The following ASIC2 variants were observed in gnomAD, a reference collection of about 807,000 sequenced individuals.
ASIC2 encodes acid-sensing ion channel 2.
ASIC2 carries 25 observed loss-of-function variants against 57.3 expected under a neutral mutation model. The ratio of observed to expected loss-of-function variants is 0.44; its 90% CI spans 0.32 to 0.61. ASIC2 has a LOEUF of 0.61. ASIC2 is among the 20% of genes least tolerant of loss of function. The pLI is 0.06. For missense variants in ASIC2, 641 were observed against 738.1 expected (o/e 0.87, Z 1.52); for synonymous variants, 319 against 307.5 (o/e 1.04, Z -0.39).
At chr17:33,798,741 C>T (rs1277772026) in intron 1 of ASIC2, among the ~76,000 whole-genome samples, 1 of 152,126 alleles carries the variant, frequency 6.6e-6, no homozygotes, top group Non-Finnish European at 1.5e-5. Context: ...GAGCTCATTC[C>T]CCAGCTCAAT....
At chr17:33,578,453 A>T (rs1217104908) in intron 1 of ASIC2, among the ~76,000 whole-genome samples, 2 of 152,222 alleles carry the variant, frequency 1.3e-5, no homozygotes, top group Non-Finnish European at 2.9e-5. Flanking sequence ...TTTACACCTT[A>T]GTATGAATAA....
chr17:33,597,374 G>A (rs1279591706), intron 1 of ASIC2, among the ~76,000 whole-genome samples: 6 of 152,190 alleles, frequency 3.9e-5, no homozygotes, highest in African/African-American at 1.4e-4. Flanking sequence ...TCAAAGGCAT[G>A]TTAGCACATA....
chr17:33,481,459 G>A (rs1183486605), intron 1 of ASIC2, among the ~76,000 whole-genome samples: 1 of 152,146 alleles, frequency 6.6e-6, no homozygotes, highest in Non-Finnish European at 1.5e-5. Flanking sequence ...TTGTTGACCT[G>A]TGCTCTGCAT....
At chr17:33,746,797 T>C (rs1408940983) in intron 1 of ASIC2, among the ~76,000 whole-genome samples, 1 of 152,160 alleles carries the variant, frequency 6.6e-6, no homozygotes, top group African/African-American at 2.4e-5. Context: ...TCATGGAACA[T>C]TCTCCATGAC....
At chr17:33,073,379 C>A (rs116413348) in intron 3 of ASIC2, among the ~76,000 whole-genome samples, 3 of 152,126 alleles carry the variant, frequency 2.0e-5, no homozygotes, top group African/African-American at 7.2e-5. Context: ...TGCTGGCCTG[C>A]GAGCTCAGAA....
At chr17:33,465,604 C>T (rs1912838717) in intron 1 of ASIC2, among the ~76,000 whole-genome samples, 2 of 152,066 alleles carry the variant, frequency 1.3e-5, no homozygotes, top group African/African-American at 2.4e-5. Flanking sequence ...GAACTCCTGA[C>T]CTCGGGTGAT....
At chr17:33,386,032 G>C (rs147159865) in intron 1 of ASIC2, among the ~76,000 whole-genome samples, 1 of 152,280 alleles carries the variant, frequency 6.6e-6, no homozygotes, top group Admixed American at 6.5e-5. Context: ...CACATAACGT[G>C]ATATTTACTT....
rs944094933 is a variant in ASIC2, at chr17:33,975,117, G to T, written c.555+180861C>A. On this transcript the variant is annotated intron_variant, in intron 1 of 9. Transcript: ENST00000359872. ...GGCACTCACTAAATATTTGTTGAAT[G>T]AATGAATGTATGAAATCATGCTTGA... Among the ~76,000 whole-genome samples the T allele has an allele frequency of 2.6e-5, 4 of 152,194 alleles. No homozygotes were observed. In the East Asian group the frequency reaches 5.8e-4, roughly 22 times the overall value.
At chr17:33,820,326 G>A (rs986669242) in intron 1 of ASIC2, among the ~76,000 whole-genome samples, 12 of 152,080 alleles carry the variant, frequency 7.9e-5, no homozygotes, top group South Asian at 2.1e-4. Context: ...AGTATAATAC[G>A]CATGGCAGAT....
At position 34,089,944 on chromosome 17, in the gene ASIC2, T is replaced by C. The variant is rs925857875; in HGVS notation, c.555+66034A>G. On this transcript the variant is annotated intron_variant, in intron 1 of 9. Coordinates refer to the ASIC2 transcript ENST00000359872. ...CTCAGTCAGCTCATTCCCAGCTGTC[T>C]TGGTTCCTGCAGGACAATGTTCTGA... Among the ~76,000 whole-genome samples the C allele has an allele frequency of 1.9e-4, 29 of 152,190 alleles. 1 individual carries two copies. The highest frequency in any genetic ancestry group is 1.9e-3 in the Admixed American group (29 of 15,276).
At chr17:33,401,878 G>T (rs1455547504) in intron 1 of ASIC2, among the ~76,000 whole-genome samples, 2 of 152,286 alleles carry the variant, frequency 1.3e-5, no homozygotes, top group South Asian at 2.1e-4. Flanking sequence ...AGGAAATTAA[G>T]TTATGCGAGG....
At position 33,971,127 on chromosome 17, in the gene ASIC2, C is replaced by A. The variant is rs73276666; in HGVS notation, c.555+184851G>T. On this transcript the variant is annotated intron_variant, in intron 1 of 9. Coordinates refer to the ASIC2 transcript ENST00000359872. ...CAAAGGGCACACAGTGGCACGCAGT[C>A]CTCCAGCAGAAATGATTCACAGCCA... Among the ~76,000 whole-genome samples the A allele has an allele frequency of 6.4e-3, 971 of 152,316 alleles. 9 individuals carry two copies. The highest frequency in any genetic ancestry group is 0.022 in the African/African-American group (928 of 41,582).
chr17:33,478,942 A>G (rs3892103), intron 1 of ASIC2, among the ~76,000 whole-genome samples: 29,186 of 152,204 alleles, frequency 0.19, 3,030 homozygotes, highest in Middle Eastern at 0.24. Flanking sequence ...TGTCAAGATA[A>G]TACTGTTAGG....
intron 1 of ASIC2, among the ~76,000 whole-genome samples, chr17:34,027,682 A>G (rs779710323): frequency 6.6e-6 from 1 of 152,224 alleles, no homozygotes; most frequent in Non-Finnish European, 1.5e-5. Flanking sequence ...ATCTAGAGAT[A>G]GAAGTCATGA....
At chr17:33,555,169 C>T (rs1915868884) in intron 1 of ASIC2, among the ~76,000 whole-genome samples, 2 of 152,122 alleles carry the variant, frequency 1.3e-5, no homozygotes, top group East Asian at 1.9e-4. Flanking sequence ...CAGAATGGTC[C>T]GTGGCTACCT....
chr17:33,174,552 C>T (rs533754635), intron 1 of ASIC2, among the ~76,000 whole-genome samples: 16 of 152,184 alleles, frequency 1.1e-4, no homozygotes, highest in African/African-American at 2.9e-4. Context: ...TTGGCCTTTG[C>T]GGAGCTCACA....
At chr17:33,448,902 C>A (rs149627977) in intron 1 of ASIC2, among the ~76,000 whole-genome samples, 1 of 152,140 alleles carries the variant, frequency 6.6e-6, no homozygotes, top group Non-Finnish European at 1.5e-5. Context: ...AACTTTGAAC[C>A]TAGTCAAAAG....
chr17:34,014,065 A>G (rs1168742885), intron 1 of ASIC2, among the ~76,000 whole-genome samples: 1 of 152,086 alleles, frequency 6.6e-6, no homozygotes, highest in Non-Finnish European at 1.5e-5. Context: ...CCTCTCCTAG[A>G]GCTGCTCTTG....
In ASIC2 at chr17:33,024,002, T is replaced by G. The variant is rs768184455; in HGVS notation, c.1208A>C (p.Glu403Ala). 6.2e-7 allele frequency: 1 copy of G among 1,614,138 alleles called. No individual in the cohort carries two copies. The highest frequency in any genetic ancestry group is 1.6e-4 in the Middle Eastern group (1 of 6,062). The change falls in exon 6 of 10, where the codon GAA becomes GCA. Residue 403 changes from glutamate to alanine, a missense_variant. By Grantham distance (107) the Glu-to-Ala change is moderately radical (BLOSUM62 -1). Coordinates refer to ENST00000225823, the MANE Select transcript of ASIC2 (RefSeq NM_183377.2). ...GCAGAGACAGTAATTGCTGTCCTTT[T>G]CCGCCAACAGACCTGGAGGGGAGAG... The part of the protein sequence containing the change: ...CAEPALGLLA[E>A]KDSNYCLCRT...
Sources: gnomAD v4.1 joint callset for allele counts (sites outside exome capture counted in the v4.1 genomes callset) on GRCh38, gnomAD v4.1.1 for gene constraint, MANE v1.5 for transcripts, NCBI Gene and HGNC (gene_info 2026-07-23, HGNC 2026-07-21) for gene names.